Variants in GRM4 observed in about 807,000 individuals in gnomAD.
GRM4 encodes the protein glutamate metabotropic receptor 4, also known as metabotropic glutamate receptor 4.
A neutral mutation model predicts 81.7 loss-of-function variants in GRM4; 28 were observed. The observed-to-expected ratio is 0.34, with a 90% CI of 0.25 to 0.47. GRM4 has a LOEUF of 0.47. Ranked by LOEUF, GRM4 falls within the 20% of genes least tolerant of loss-of-function variation. The pLI is 1.00. For synonymous variants in GRM4, 488 were observed against 528.8 expected (o/e 0.92, Z 1.06); for missense variants, 948 against 1,290.0 (o/e 0.73, Z 4.06).
At chr6:34,073,917 G>A (rs1163931149) in intron 3 of GRM4, among the ~76,000 whole-genome samples, 1 of 152,206 alleles carries the variant, frequency 6.6e-6, no homozygotes, top group African/African-American at 2.4e-5. Flanking sequence ...GGTCCTCACT[G>A]GCTGGGGTGA....
rs962046192 is a variant in GRM4, at chr6:34,048,722, G to A, written c.1168+7822C>T. On this transcript the variant is annotated intron_variant, in intron 6 of 10. Transcript: ENST00000538487. The surrounding 1 kb of genome is among the most constrained non-coding windows in gnomAD (Gnocchi z 4.0). ...CATGGGGGTGGATTTCCCCCATGCTGTTTTCATGATAGTGAGTTCTCAAGA... is the reference window on the plus strand; with the variant it reads ...CATGGGGGTGGATTTCCCCCATGCTATTTTCATGATAGTGAGTTCTCAAGA... Among the ~76,000 whole-genome samples the A allele has an allele frequency of 6.6e-6, 1 of 152,084 alleles. No individual in the cohort carries two copies. The highest frequency in any genetic ancestry group is 2.4e-5 in the African/African-American group (1 of 41,396).
intron 6 of GRM4, among the ~76,000 whole-genome samples, chr6:34,045,151 T>G (rs1765307844): frequency 1.3e-5 from 2 of 152,262 alleles, no homozygotes; most frequent in Middle Eastern, 6.8e-3. Flanking sequence ...GCGGGGCATG[T>G]AGGGGAGGGG....
intron 10 of GRM4, chr6:34,024,825 G>A (rs1344734931): frequency 2.2e-5 from 10 of 450,636 alleles, no homozygotes; most frequent in Middle Eastern, 3.3e-4. Flanking sequence ...AGAAAATGGT[G>A]CCACAACATC....
intron 1 of GRM4, among the ~76,000 whole-genome samples, chr6:34,153,170 C>A (rs954276326): frequency 2.0e-5 from 3 of 152,152 alleles, no homozygotes; most frequent in Non-Finnish European, 2.9e-5. Flanking sequence ...GGCTCCCCGA[C>A]GCACACACCC....
chr6:34,069,991 G>A lies in GRM4; in HGVS notation c.737-7963C>T, dbSNP rs964002373. Among the ~76,000 whole-genome samples the A allele has an allele frequency of 3.3e-5, 5 of 152,176 alleles. No individual in the cohort carries two copies. Among genetic ancestry groups the A allele is most frequent in the South Asian group, 2.1e-4 (1 of 4,832 alleles). On this transcript the variant is annotated intron_variant, in intron 3 of 10. Coordinates refer to ENST00000538487, the MANE Select transcript of GRM4 (RefSeq NM_000841.4). The surrounding 1 kb of genome is among the most constrained non-coding windows in gnomAD (Gnocchi z 6.4). Reference sequence around the variant, plus strand: ...GACACGTGCGGGGCCTGCCCAGGACGGCGGTAATCCACACTTGCTGGACGA... The same window carrying A: ...GACACGTGCGGGGCCTGCCCAGGACAGCGGTAATCCACACTTGCTGGACGA...
chr6:34,110,740 C>T (rs1274295419), intron 2 of GRM4: 4 of 1,502,520 alleles, frequency 2.7e-6, no homozygotes, highest in East Asian at 5.1e-5. Context: ...GTAGCACCTG[C>T]AGCCCGTGAG....
At position 34,022,602 on chromosome 6, in the gene GRM4, A is replaced by T. The variant is rs570363788; in HGVS notation, c.*219T>A. On this transcript the variant is annotated 3_prime_UTR_variant, in exon 11 of 11. Transcript: ENST00000538487. This position sits in a 1 kb window ranked among gnomAD's most constrained non-coding sequence, Gnocchi z 5.6. ...GGTCCAAGACGCAGGTTCTTGTGGTAGCCTGGCACCGCCCCGGCCCCTCGT... is the reference window on the plus strand; with the variant it reads ...GGTCCAAGACGCAGGTTCTTGTGGTTGCCTGGCACCGCCCCGGCCCCTCGT... 1.7e-5 allele frequency: 10 copies of T among 584,464 alleles called. No homozygotes were observed. Among genetic ancestry groups the T allele is most frequent in the Non-Finnish European group, 3.1e-5 (10 of 326,236 alleles). 36.2% of individuals were successfully genotyped at this position (584,464 alleles called of 1,614,324 possible).
chr6:34,100,478 G>A (rs1768776185), intron 2 of GRM4, among the ~76,000 whole-genome samples: 1 of 152,194 alleles, frequency 6.6e-6, no homozygotes. Flanking sequence ...TGCCTCAGCT[G>A]CTCCTGTGTC....
rs10635207 is a variant in GRM4, at chr6:34,136,563, GACACAC to G, written c.-363-2710_-363-2705del. ...GCTGAGCAGTGCATGCGCGCGTGCGGACACACACACACACACACACACACACACACA... is the reference window on the plus strand; with the variant it reads ...GCTGAGCAGTGCATGCGCGCGTGCGGACACACACACACACACACACACACA... On this transcript the variant is annotated intron_variant, in intron 1 of 10. Coordinates refer to ENST00000538487, the MANE Select transcript of GRM4 (RefSeq NM_000841.4). The surrounding 1 kb of genome is among the most constrained non-coding windows in gnomAD (Gnocchi z 4.1). 0.26 allele frequency among the ~76,000 whole-genome samples: 37,717 copies of G among 142,408 alleles called. 5,954 individuals carry two copies. The highest frequency in any genetic ancestry group is 0.42 in the East Asian group (1,982 of 4,760). 93.4% of individuals were successfully genotyped at this position (142,408 alleles called of 152,430 possible). A position where few individuals can be genotyped will look rare whatever the true frequency, so the allele number is the denominator to read the frequency against.
chr6:34,082,069 ACAGATCCCTGTCCAGTGGGAGCCTGCG>A (rs1329708760), intron 3 of GRM4, among the ~76,000 whole-genome samples: 2 of 30,236 alleles, frequency 6.6e-5, no homozygotes, highest in African/African-American at 4.0e-4. Flanking sequence ...AGCCTGCGGG[ACAGATCCCTGTCCAGTGGGAGCCTGCG>A]GGACAGATCC....
At chr6:34,151,308 C>T (rs537235771) in intron 1 of GRM4, among the ~76,000 whole-genome samples, 3 of 152,188 alleles carry the variant, frequency 2.0e-5, no homozygotes, top group East Asian at 1.9e-4. Flanking sequence ...ACTCTTTCTC[C>T]TCCTCCTTCT....
At position 34,034,598 on chromosome 6, in the gene GRM4, C is replaced by T. The variant is rs760151786; in HGVS notation, c.2442+1070G>A. On this transcript the variant is annotated intron_variant, in intron 9 of 10. Transcript: ENST00000538487. This position sits in a 1 kb window ranked among gnomAD's most constrained non-coding sequence, Gnocchi z 4.0. ...ATCTGGCCTGTCACCTCTCTGATCTCGTTCCCCACTCCTCTGGCTTCCTCA... is the reference window on the plus strand; with the variant it reads ...ATCTGGCCTGTCACCTCTCTGATCTTGTTCCCCACTCCTCTGGCTTCCTCA... Among the ~76,000 whole-genome samples, 1 of 152,230 alleles carries T rather than the reference C, an allele frequency of 6.6e-6. No individual in the cohort carries two copies. The highest frequency in any genetic ancestry group is 1.5e-5 in the Non-Finnish European group (1 of 68,044).
chr6:34,117,039 G>C (rs911379846), intron 2 of GRM4, among the ~76,000 whole-genome samples: 4 of 152,218 alleles, frequency 2.6e-5, no homozygotes, highest in Admixed American at 6.5e-5. Context: ...AGGGGCTCAA[G>C]GGAGCTTTCC....
At chr6:34,051,235 G>A (rs1765594238) in intron 6 of GRM4, among the ~76,000 whole-genome samples, 1 of 152,182 alleles carries the variant, frequency 6.6e-6, no homozygotes. Flanking sequence ...GTGTGACTCT[G>A]GGCAAGTCCC....
At chr6:34,120,548 C>A (rs915882872) in intron 2 of GRM4, among the ~76,000 whole-genome samples, 3 of 152,170 alleles carry the variant, frequency 2.0e-5, no homozygotes, top group Admixed American at 2.0e-4. Flanking sequence ...CATTTCCTCG[C>A]ACTTCAGGCT....
In GRM4 at chr6:34,114,317, G is replaced by A. The variant is rs1195528257; in HGVS notation, c.519+18661C>T. Among the ~76,000 whole-genome samples, 1 of 152,140 alleles carries A rather than the reference G, an allele frequency of 6.6e-6. No homozygotes were observed. The highest frequency in any genetic ancestry group is 6.5e-5 in the Admixed American group (1 of 15,280). On this transcript the variant is annotated intron_variant, in intron 2 of 10. Transcript: ENST00000538487. The surrounding 1 kb of genome is among the most constrained non-coding windows in gnomAD (Gnocchi z 4.3). ...AACCCAACATCTGCTACTAAAAGAT[G>A]CTCACCAGCTATTTGGTGGATATAT...
chr6:34,071,054 G>A (rs1024064511), intron 3 of GRM4, among the ~76,000 whole-genome samples: 4 of 151,232 alleles, frequency 2.6e-5, no homozygotes, highest in South Asian at 4.2e-4. Flanking sequence ...ACACAGCCTC[G>A]CACAAACACA....
At chr6:34,125,137 C>A (rs1390176166) in intron 2 of GRM4, among the ~76,000 whole-genome samples, 2 of 152,188 alleles carry the variant, frequency 1.3e-5, no homozygotes, top group African/African-American at 4.8e-5. Flanking sequence ...CCACACCCAG[C>A]TAATTTTTTG....
intron 3 of GRM4, among the ~76,000 whole-genome samples, chr6:34,082,371 A>C (rs1021244953): frequency 1.3e-5 from 2 of 152,204 alleles, no homozygotes; most frequent in African/African-American, 4.8e-5. Context: ...GCCCAAGAAC[A>C]AGACACACAG....
Sources: gnomAD v4.1 joint callset for allele counts (sites outside exome capture counted in the v4.1 genomes callset) on GRCh38, gnomAD v4.1.1 for gene constraint, Gnocchi (gnomAD v3.1) non-coding constraint, MANE v1.5 for transcripts, NCBI Gene and HGNC (gene_info 2026-07-23, HGNC 2026-07-21) for gene names.